The following BNC2 variants were observed in gnomAD, a reference collection of about 807,000 sequenced individuals.
BNC2 encodes zinc finger protein basonuclin-2.
A neutral mutation model predicts 76.3 loss-of-function variants in BNC2; 20 were observed. The ratio of observed to expected loss-of-function variants is 0.26; its 90% CI spans 0.18 to 0.38. BNC2 has a LOEUF of 0.38. BNC2 is among the 10% of genes least tolerant of loss of function. BNC2 has a pLI of 1.00. For synonymous variants in BNC2, 582 were observed against 514.8 expected, an observed-to-expected ratio of 1.13 and a Z score of -1.77; for missense variants, 1,382 against 1,399.8, an observed-to-expected ratio of 0.99 and a Z score of 0.20.
intron 5 of BNC2, among the ~76,000 whole-genome samples, chr9:16,490,572 G>T (rs1822255821): frequency 6.6e-6 from 1 of 152,126 alleles, no homozygotes; most frequent in Non-Finnish European, 1.5e-5. Flanking sequence ...CTATGTATCT[G>T]TGTGGGTGTG....
chr9:16,455,693 G>A (rs1000248081), intron 5 of BNC2, among the ~76,000 whole-genome samples: 1 of 152,082 alleles, frequency 6.6e-6, no homozygotes, highest in East Asian at 1.9e-4. Context: ...TCAGGAGGCT[G>A]AGGCAGGAGA....
chr9:16,523,805 A>G (rs1189161378), intron 5 of BNC2, among the ~76,000 whole-genome samples: 1 of 151,444 alleles, frequency 6.6e-6, no homozygotes, highest in African/African-American at 2.4e-5. Context: ...AGACGCCTGT[A>G]ATCCCAGCTA....
intron 4 of BNC2, among the ~76,000 whole-genome samples, chr9:16,562,446 A>T (rs1487505944): frequency 1.3e-5 from 2 of 152,196 alleles, no homozygotes; most frequent in African/African-American, 4.8e-5. Flanking sequence ...ACTGAATAAA[A>T]GGTGTGGATA....
chr9:16,600,871 A>G (rs1432281560), intron 3 of BNC2, among the ~76,000 whole-genome samples: 1 of 152,194 alleles, frequency 6.6e-6, no homozygotes, highest in African/African-American at 2.4e-5. Flanking sequence ...CAGGTGTCCT[A>G]CCTTTCATCT....
At chr9:16,864,150 G>A (rs187162837) in intron 1 of BNC2, among the ~76,000 whole-genome samples, 3 of 152,216 alleles carry the variant, frequency 2.0e-5, no homozygotes, top group Admixed American at 2.0e-4. Context: ...TTAAGCAAAT[G>A]TATTTCTAAA....
chr9:16,869,187 G>A (rs1015483347), intron 1 of BNC2, among the ~76,000 whole-genome samples: 4 of 150,530 alleles, frequency 2.7e-5, no homozygotes, highest in African/African-American at 9.8e-5. Flanking sequence ...CTTAAACACG[G>A]CTTTCAACAA....
intron 1 of BNC2, among the ~76,000 whole-genome samples, chr9:16,841,783 C>G (rs542536769): frequency 3.3e-5 from 5 of 151,976 alleles, no homozygotes; most frequent in African/African-American, 1.2e-4. Context: ...ATTTCCGAAG[C>G]CTATGTCTGC....
intron 1 of BNC2, among the ~76,000 whole-genome samples, chr9:16,859,852 G>A (rs1344211290): frequency 6.6e-6 from 1 of 152,238 alleles, no homozygotes; most frequent in Non-Finnish European, 1.5e-5. Context: ...CAGGCACGGC[G>A]GCTCACGCCT....
chr9:16,622,587 T>A (rs889760236), intron 3 of BNC2, among the ~76,000 whole-genome samples: 9 of 152,162 alleles, frequency 5.9e-5, no homozygotes, highest in African/African-American at 2.2e-4. Flanking sequence ...AGAAAGTGTA[T>A]CTGAAATTAC....
intron 3 of BNC2, among the ~76,000 whole-genome samples, chr9:16,636,043 C>G (rs1173190026): frequency 2.0e-5 from 3 of 152,116 alleles, no homozygotes; most frequent in African/African-American, 7.2e-5. Flanking sequence ...GAAAAAGACT[C>G]AAAATCTGCA....
chr9:16,854,451 T>C (rs934156543), intron 1 of BNC2, among the ~76,000 whole-genome samples: 8 of 152,240 alleles, frequency 5.3e-5, no homozygotes, highest in African/African-American at 1.9e-4. Flanking sequence ...TCCACCTGTA[T>C]ATAAAGTCAA....
chr9:16,442,889 T>C (rs370206742), intron 5 of BNC2, among the ~76,000 whole-genome samples: 45 of 151,886 alleles, frequency 3.0e-4, no homozygotes, highest in African/African-American at 9.4e-4. Context: ...GCGGATCACC[T>C]GGGGTCAGGA....
chr9:16,586,978 T>A (rs1174796552), intron 3 of BNC2, among the ~76,000 whole-genome samples: 1 of 152,192 alleles, frequency 6.6e-6, no homozygotes, highest in Admixed American at 6.5e-5. Flanking sequence ...AATAGCTAGA[T>A]GTATTGAATA....
intron 5 of BNC2, among the ~76,000 whole-genome samples, chr9:16,512,243 A>C (rs1822774027): frequency 6.6e-6 from 1 of 152,188 alleles, no homozygotes; most frequent in Non-Finnish European, 1.5e-5. Context: ...TATTCTGTCA[A>C]ATAGAAGGAC....
At chr9:16,772,528 T>C (rs10962581) in intron 1 of BNC2, among the ~76,000 whole-genome samples, 3,750 of 152,178 alleles carry the variant, frequency 0.025, 185 homozygotes, top group East Asian at 0.22. Flanking sequence ...TTTTGCATTT[T>C]CCCCCTCTTT....
intron 1 of BNC2, among the ~76,000 whole-genome samples, chr9:16,790,904 T>C (rs1190901590): frequency 6.6e-6 from 1 of 151,840 alleles, no homozygotes; most frequent in African/African-American, 2.4e-5. Flanking sequence ...TGATGCACTT[T>C]GATCTTTGAC....
intron 4 of BNC2, among the ~76,000 whole-genome samples, chr9:16,570,672 A>G (rs1819297504): frequency 6.6e-6 from 1 of 152,158 alleles, no homozygotes; most frequent in Non-Finnish European, 1.5e-5. Flanking sequence ...GTATCTGCCG[A>G]TTTTTCCACT....
chr9:16,595,836 T>G (rs1300913548), intron 3 of BNC2, among the ~76,000 whole-genome samples: 1 of 152,084 alleles, frequency 6.6e-6, no homozygotes, highest in African/African-American at 2.4e-5. Flanking sequence ...TATGTAATGG[T>G]TGTCAGGAAC....
chr9:16,702,753 T>C (rs1460045594), intron 3 of BNC2, among the ~76,000 whole-genome samples: 1 of 152,218 alleles, frequency 6.6e-6, no homozygotes, highest in Non-Finnish European at 1.5e-5. Context: ...ATCTACTATG[T>C]ACTGGAACTT....
Sources: allele counts gnomAD v4.1 joint callset (sites outside exome capture counted in the v4.1 genomes callset), GRCh38; gene constraint gnomAD v4.1.1; transcripts MANE v1.5; gene names NCBI Gene and HGNC (gene_info 2026-07-23, HGNC 2026-07-21).